The following OSBPL6 variants were observed in gnomAD, a reference collection of about 807,000 sequenced individuals.
OSBPL6 encodes the protein oxysterol-binding protein-related protein 6.
Under a neutral mutation model 125.8 loss-of-function variants are expected in OSBPL6, and 49 were observed. The ratio of observed to expected loss-of-function variants is 0.39; its 90% CI spans 0.31 to 0.49. The LOEUF is 0.49. OSBPL6 is among the 20% of genes least tolerant of loss of function. The pLI, the probability that OSBPL6 is intolerant of heterozygous loss-of-function variation, is 0.88. For missense variants in OSBPL6, 986 were observed against 1,135.4 expected, an observed-to-expected ratio of 0.87 and a Z score of 1.89; for synonymous variants, 394 against 391.8, an observed-to-expected ratio of 1.01 and a Z score of -0.07.
chr2:178,287,167 A>C (rs334628), intron 2 of OSBPL6, among the ~76,000 whole-genome samples: 126,975 of 147,634 alleles, frequency 0.86, 55,632 homozygotes, highest in Non-Finnish European at 0.94. Flanking sequence ...AAAAAAAAAA[A>C]AACAAATTAT....
chr2:178,319,328 T>C (rs537681462), intron 3 of OSBPL6, among the ~76,000 whole-genome samples: 1 of 152,366 alleles, frequency 6.6e-6, no homozygotes, highest in South Asian at 2.1e-4. Context: ...AAGAGTGCTA[T>C]AATTTTTTCT....
At position 178,392,438 on chromosome 2, in the gene OSBPL6, T is replaced by C; in HGVS notation, c.2473T>C (p.Tyr825His). 1 of 1,614,064 alleles carries C rather than the reference T, an allele frequency of 6.2e-7. No individual in the cohort carries two copies. Among genetic ancestry groups the C allele is most frequent in the Non-Finnish European group, 8.5e-7 (1 of 1,179,916 alleles). ...PGSMPTNYELYYGFTRFAIEL... is the reference protein window; with the variant it reads ...PGSMPTNYELHYGFTRFAIEL... ...TTCCATGCCAACAAACTATGAGCTGTACTATGGCTTCACAAGGTTTGCTAT... is the reference window on the plus strand; with the variant it reads ...TTCCATGCCAACAAACTATGAGCTGCACTATGGCTTCACAAGGTTTGCTAT... Residue 825 changes from tyrosine to histidine, a missense_variant, in exon 23 of 25, where the codon TAC becomes CAC. Coordinates refer to ENST00000190611, the MANE Select transcript of OSBPL6 (RefSeq NM_032523.4).
intron 1 of OSBPL6, among the ~76,000 whole-genome samples, chr2:178,261,298 G>C (rs2092052684): frequency 6.6e-6 from 1 of 151,692 alleles, no homozygotes; most frequent in African/African-American, 2.4e-5. Context: ...TCTATACCTT[G>C]ATTTGGGTGG....
In OSBPL6 at chr2:178,372,180, T is replaced by C. The variant is rs1693453129; in HGVS notation, c.1342T>C (p.Ser448Pro). The C allele has an allele frequency of 1.2e-6, 2 of 1,613,198 alleles. No individual in the cohort carries two copies. The highest frequency in any genetic ancestry group is 8.5e-7 in the Non-Finnish European group (1 of 1,179,474). ...RSRLNRIHSESIICDQVVSVN... is the reference protein window; with the variant it reads ...RSRLNRIHSEPIICDQVVSVN... ...TCGGTTGAACAGAATACATTCAGAG[T>C]CTATTATTTGTGATCAGGTTGTCAG... The change falls in exon 14 of 25, where the codon TCT (serine) becomes CCT (proline). Residue 448 changes from serine (S) to proline (P), a missense_variant. Around this residue, in one of 3 missense-constraint regions of OSBPL6, gnomAD observed 843 missense variants for 997.3 expected, o/e 0.85. Coordinates refer to ENST00000190611, the MANE Select transcript of OSBPL6 (RefSeq NM_032523.4).
chr2:178,354,195 C>G (rs1444217519), intron 12 of OSBPL6, among the ~76,000 whole-genome samples: 2 of 152,164 alleles, frequency 1.3e-5, no homozygotes, highest in African/African-American at 2.4e-5. Flanking sequence ...GCAAAATCAC[C>G]AGCTAACATC....
intron 3 of OSBPL6, among the ~76,000 whole-genome samples, chr2:178,315,047 A>G (rs1000043618): frequency 2.6e-5 from 4 of 152,216 alleles, no homozygotes; most frequent in Admixed American, 2.0e-4. Context: ...CAAATGGTAC[A>G]TAGACTAAAA....
chr2:178,291,267 A>G (rs936680368), intron 2 of OSBPL6, among the ~76,000 whole-genome samples: 1 of 152,094 alleles, frequency 6.6e-6, no homozygotes, highest in Non-Finnish European at 1.5e-5. Context: ...AGTTCACCAG[A>G]TTATCTGAGT....
chr2:178,237,156 A>G (rs1459003485), intron 1 of OSBPL6, among the ~76,000 whole-genome samples: 4 of 152,138 alleles, frequency 2.6e-5, no homozygotes, highest in Non-Finnish European at 4.4e-5. Context: ...CCCTCACAGT[A>G]TACTGTACTT....
At chr2:178,294,667 G>A (rs532933845) in intron 2 of OSBPL6, among the ~76,000 whole-genome samples, 14 of 151,250 alleles carry the variant, frequency 9.3e-5, no homozygotes, top group South Asian at 8.4e-4. Context: ...TCATAAAGTC[G>A]GAAAATTCTA....
At chr2:178,233,437 C>A (rs1031348359) in intron 1 of OSBPL6, among the ~76,000 whole-genome samples, 2 of 152,170 alleles carry the variant, frequency 1.3e-5, no homozygotes, top group Admixed American at 6.5e-5. Context: ...GGCTTCTCAA[C>A]CATCTGAGAG....
chr2:178,383,358 T>C, intron 17 of OSBPL6, 81 bp downstream of exon 17: 1 of 1,499,444 alleles, frequency 6.7e-7, no homozygotes, highest in Non-Finnish European at 8.9e-7. Context: ...CATTATGATA[T>C]ATTTGGCATT....
intron 12 of OSBPL6, among the ~76,000 whole-genome samples, chr2:178,354,739 A>C (rs1691608129): frequency 6.6e-6 from 1 of 152,222 alleles, no homozygotes; most frequent in South Asian, 2.1e-4. Flanking sequence ...AAGCAGACCT[A>C]ATAGACATCT....
At chr2:178,378,535 T>C (rs996945419) in intron 15 of OSBPL6, among the ~76,000 whole-genome samples, 1 of 152,232 alleles carries the variant, frequency 6.6e-6, no homozygotes, top group African/African-American at 2.4e-5. Flanking sequence ...GCCTTTACTT[T>C]TAAACTTGTT....
At chr2:178,360,139 A>G (rs1014386859) in intron 12 of OSBPL6, among the ~76,000 whole-genome samples, 5 of 152,166 alleles carry the variant, frequency 3.3e-5, no homozygotes, top group South Asian at 2.1e-4. Flanking sequence ...TCACTTATAT[A>G]TGGAAACTTT....
intron 2 of OSBPL6, among the ~76,000 whole-genome samples, chr2:178,289,022 T>C (rs1018746626): frequency 1.4e-4 from 21 of 146,358 alleles, no homozygotes; most frequent in African/African-American, 3.3e-4. Flanking sequence ...TCTTCTTTTT[T>C]TTTTTTTTTT....
intron 11 of OSBPL6, among the ~76,000 whole-genome samples, chr2:178,344,765 T>G (rs1035921974): frequency 1.3e-5 from 2 of 152,124 alleles, no homozygotes; most frequent in Non-Finnish European, 1.5e-5. Context: ...AAATTGTGCT[T>G]TTTTTTGTAG....
chr2:178,329,964 C>A (rs1241194508), intron 5 of OSBPL6, among the ~76,000 whole-genome samples: 2 of 152,150 alleles, frequency 1.3e-5, no homozygotes, highest in African/African-American at 4.8e-5. Context: ...AATGTTGCCC[C>A]GGTGCCCTGT....
intron 16 of OSBPL6, 77 bp downstream of exon 16, chr2:178,382,584 C>CCCCCCGG: frequency 6.3e-7 from 1 of 1,586,130 alleles, no homozygotes; most frequent in Non-Finnish European, 8.6e-7. Flanking sequence ...AACAGGCATT[C>CCCCCCGG]CCCCTCCCAC....
chr2:178,374,336 T>C (rs1414628781), intron 15 of OSBPL6, among the ~76,000 whole-genome samples: 1 of 152,198 alleles, frequency 6.6e-6, no homozygotes, highest in African/African-American at 2.4e-5. Flanking sequence ...CAGAGCTGTT[T>C]ATAGAAGGAG....
Sources: allele counts gnomAD v4.1 joint callset (sites outside exome capture counted in the v4.1 genomes callset), GRCh38; gene constraint gnomAD v4.1.1; regional missense constraint gnomAD v4.1.1; transcripts MANE v1.5; gene names NCBI Gene and HGNC (gene_info 2026-07-23, HGNC 2026-07-21).